MAGI2: variants seen among roughly 807,000 people sequenced by gnomAD.
The protein encoded by MAGI2 is membrane associated guanylate kinase, WW and PDZ domain containing 2, also known as membrane-associated guanylate kinase, WW and PDZ domain-containing protein 2.
In MAGI2, 35 loss-of-function variants were observed where a neutral mutation model predicts 133.3. That is an observed-to-expected ratio of 0.26 (90% confidence interval 0.20 to 0.35). The LOEUF is 0.35. Among genes scored for constraint, MAGI2 ranks in the 10% least tolerant of loss-of-function variants. The pLI, the probability that MAGI2 is intolerant of heterozygous loss-of-function variation, is 1.00. For missense variants in MAGI2, 1,636 were observed against 1,863.4 expected, an observed-to-expected ratio of 0.88 and a Z score of 2.25; for synonymous variants, 729 against 710.6, an observed-to-expected ratio of 1.03 and a Z score of -0.41.
chr7:78,590,418 C>T (rs1220359152), intron 3 of MAGI2, among the ~76,000 whole-genome samples: 3 of 152,176 alleles, frequency 2.0e-5, no homozygotes, highest in Admixed American at 2.0e-4. Context: ...AATTCCACAG[C>T]TTTGTCCCTT....
intron 2 of MAGI2, among the ~76,000 whole-genome samples, chr7:78,778,066 A>T (rs1464334242): frequency 6.6e-6 from 1 of 152,190 alleles, no homozygotes; most frequent in Non-Finnish European, 1.5e-5. Context: ...TGATCTCATA[A>T]TGAATCATCC....
rs1815036311 is a variant in MAGI2, at chr7:78,676,467, TTTTATTG to T, written c.419-49235_419-49229del. Among the ~76,000 whole-genome samples the T allele has an allele frequency of 3.9e-5, 6 of 152,264 alleles. No homozygotes were observed. In the South Asian group the frequency reaches 1.2e-3, roughly 32 times the overall value. On this transcript the variant is annotated intron_variant, in intron 2 of 21. Coordinates refer to ENST00000354212, the MANE Select transcript of MAGI2 (RefSeq NM_012301.4). ...ATTACTCTTTTAACCTGAAGAACTG[TTTTATTG>T]GAAAAGCCAACTTACAAAATTAATT...
At chr7:79,413,344 G>A (rs921094611) in intron 1 of MAGI2, 1 of 152,060 alleles carries the variant, frequency 6.6e-6, no homozygotes, top group Non-Finnish European at 1.5e-5. Context: ...TCACTAGCAA[G>A]TGCAATGGAA....
intron 2 of MAGI2, among the ~76,000 whole-genome samples, chr7:78,862,712 A>G (rs904674480): frequency 6.6e-6 from 1 of 152,224 alleles, no homozygotes; most frequent in Admixed American, 6.5e-5. Flanking sequence ...CAGTGTTTAC[A>G]TAATCACTTA....
chr7:78,122,117 G>T (rs1820529532), intron 20 of MAGI2, among the ~76,000 whole-genome samples: 1 of 152,180 alleles, frequency 6.6e-6, no homozygotes. Flanking sequence ...ATTTAGGAAG[G>T]TGGTTCCCTC....
chr7:79,030,002 CAT>C (rs1810405078), intron 1 of MAGI2, among the ~76,000 whole-genome samples: 1 of 152,180 alleles, frequency 6.6e-6, no homozygotes, highest in Admixed American at 6.5e-5. Context: ...GCATGTGGCA[CAT>C]TAGCCTCCGC....
intron 10 of MAGI2, among the ~76,000 whole-genome samples, chr7:78,227,992 A>G (rs73150225): frequency 0.018 from 2,766 of 152,312 alleles, 40 homozygotes; most frequent in Middle Eastern, 0.031. Context: ...TGCAGGCTAC[A>G]TGATCTCTGT....
chr7:79,419,151 T>C (rs1846758138), intron 1 of MAGI2, among the ~76,000 whole-genome samples: 1 of 152,156 alleles, frequency 6.6e-6, no homozygotes, highest in Admixed American at 6.6e-5. Context: ...ATAACAATAA[T>C]TCAATTTCCT....
chr7:79,039,964 T>C (rs1054508641), intron 1 of MAGI2, among the ~76,000 whole-genome samples: 1 of 151,024 alleles, frequency 6.6e-6, no homozygotes, highest in Non-Finnish European at 1.5e-5. Context: ...CTGGAGGACA[T>C]TATGTTAAGT....
At chr7:78,976,289 A>C (rs544899450) in intron 2 of MAGI2, among the ~76,000 whole-genome samples, 11 of 151,722 alleles carry the variant, frequency 7.3e-5, no homozygotes, top group African/African-American at 2.7e-4. Flanking sequence ...CAATCAATTA[A>C]TGTAATCTAA....
At chr7:78,086,241 G>GT (rs5885041) in intron 20 of MAGI2, among the ~76,000 whole-genome samples, 32,512 of 126,284 alleles carry the variant, frequency 0.26, 4,563 homozygotes, top group Non-Finnish European at 0.33. Flanking sequence ...AATTTTTAAT[G>GT]TTTTTTTTTT....
chr7:79,174,552 G>A (rs993024998), intron 1 of MAGI2, among the ~76,000 whole-genome samples: 9 of 151,802 alleles, frequency 5.9e-5, no homozygotes, highest in Non-Finnish European at 7.4e-5. Flanking sequence ...AGAGAACTTG[G>A]CAATCAATTT....
intron 3 of MAGI2, among the ~76,000 whole-genome samples, chr7:78,585,611 G>T (rs1237610920): frequency 6.6e-6 from 1 of 152,176 alleles, no homozygotes. Flanking sequence ...GCTGGTGGCT[G>T]GTAGTGCCAT....
rs542335886 is a variant in MAGI2 at position 79,060,926 on chromosome 7, A to G, written c.302-53720T>C. Reference sequence around the variant, plus strand: ...AAACAACATACTCTGTGGATTCAAAAGCCAGTGGTGGCTCCAGAATTTCTA... The same window carrying G: ...AAACAACATACTCTGTGGATTCAAAGGCCAGTGGTGGCTCCAGAATTTCTA... On this transcript the variant is annotated intron_variant, in intron 1 of 21. Transcript: ENST00000354212. 1.8e-4 allele frequency among the ~76,000 whole-genome samples: 28 copies of G among 152,300 alleles called. No homozygotes were observed. In the South Asian group the frequency reaches 5.8e-3, roughly 32 times the overall value.
intron 3 of MAGI2, among the ~76,000 whole-genome samples, chr7:78,592,753 A>T (rs1804147193): frequency 6.6e-6 from 1 of 151,714 alleles, no homozygotes; most frequent in Admixed American, 6.6e-5. Flanking sequence ...GAAAGCAGGC[A>T]CACTGGGGAG....
chr7:79,023,217 G>T (rs1809523506), intron 1 of MAGI2, among the ~76,000 whole-genome samples: 1 of 152,078 alleles, frequency 6.6e-6, no homozygotes, highest in Admixed American at 6.6e-5. Flanking sequence ...CACATAAACA[G>T]AACTAAAGAC....
rs1025618532 is a variant in MAGI2, at chr7:78,621,657, C to T, written c.538+5463G>A. Among the ~76,000 whole-genome samples, 4 of 152,100 alleles carry T rather than the reference C, an allele frequency of 2.6e-5. No individual in the cohort carries two copies. The East Asian group carries it at 7.7e-4, about 29-fold the overall frequency. On this transcript the variant is annotated intron_variant, in intron 3 of 21. Coordinates refer to ENST00000354212, the MANE Select transcript of MAGI2 (RefSeq NM_012301.4). ...TAAAACCCTACCTACAGCCATGTGGCATAGCTATAGATGGTAACTAAAGCA... is the reference window on the plus strand; with the variant it reads ...TAAAACCCTACCTACAGCCATGTGGTATAGCTATAGATGGTAACTAAAGCA...
chr7:78,121,072 T>C, intron 20 of MAGI2, among the ~76,000 whole-genome samples: 1 of 147,720 alleles, frequency 6.8e-6, no homozygotes, highest in African/African-American at 2.5e-5. Flanking sequence ...GAGATTGAGG[T>C]TCTACCTTAT....
At chr7:78,700,178 C>T (rs1313384715) in intron 2 of MAGI2, among the ~76,000 whole-genome samples, 1 of 152,128 alleles carries the variant, frequency 6.6e-6, no homozygotes, top group African/African-American at 2.4e-5. Flanking sequence ...AGTTTCAAGT[C>T]AGATTACATT....
Sources: gnomAD v4.1 joint callset for allele counts (sites outside exome capture counted in the v4.1 genomes callset) on GRCh38, gnomAD v4.1.1 for gene constraint, MANE v1.5 for transcripts, NCBI Gene and HGNC (gene_info 2026-07-23, HGNC 2026-07-21) for gene names.